Variants in COL5A2 observed in about 807,000 individuals in gnomAD.
COL5A2 encodes collagen alpha-2(V) chain.
A neutral mutation model predicts 208.2 loss-of-function variants in COL5A2; 23 were observed. That is an observed-to-expected ratio of 0.11 (90% confidence interval 0.08 to 0.16). The LOEUF (loss-of-function observed/expected upper bound fraction) is 0.16. Among genes scored for constraint, COL5A2 ranks in the 10% least tolerant of loss-of-function variants. The probability of loss-of-function intolerance (pLI) is 1.00; values close to 1 mark genes in which losing one functional copy is unlikely to be tolerated. For missense variants in COL5A2, 1,590 were observed against 1,956.4 expected (o/e 0.81, Z 3.53); for synonymous variants, 625 against 628.5 (o/e 0.99, Z 0.08).
the COL5A2 span, among the ~76,000 whole-genome samples, chr2:189,391,568 T>C: frequency 5.3e-5 from 8 of 152,092 alleles, no homozygotes; most frequent in Non-Finnish European, 1.0e-4. Flanking sequence ...CTTTTACCAA[T>C]AGAAACTAAT....
chr2:189,327,024 T>A, the COL5A2 span, among the ~76,000 whole-genome samples: 12 of 151,290 alleles, frequency 7.9e-5, no homozygotes, highest in African/African-American at 2.9e-4. Context: ...TGAGCACAGA[T>A]CATGCCACTG....
chr2:189,332,791 G>A, the COL5A2 span, among the ~76,000 whole-genome samples: 7,711 of 152,174 alleles, frequency 0.051, 245 homozygotes, highest in African/African-American at 0.082. Flanking sequence ...CAGTAAATTC[G>A]TACCAGTAGA....
the COL5A2 span, among the ~76,000 whole-genome samples, chr2:189,305,298 T>C: frequency 6.6e-6 from 1 of 152,194 alleles, no homozygotes; most frequent in Non-Finnish European, 1.5e-5. Flanking sequence ...ATGTTTGTGT[T>C]CCCTCCAAAA....
the COL5A2 span, among the ~76,000 whole-genome samples, chr2:189,436,421 T>C: frequency 2.0e-5 from 3 of 152,114 alleles, no homozygotes; most frequent in African/African-American, 4.8e-5. Flanking sequence ...ATATACCTAA[T>C]GTAAATGACG....
chr2:189,415,262 T>G, the COL5A2 span, among the ~76,000 whole-genome samples: 1 of 152,204 alleles, frequency 6.6e-6, no homozygotes, highest in African/African-American at 2.4e-5. Context: ...GGGTAAATTT[T>G]TTTAAATTTT....
chr2:189,276,001 T>C, the COL5A2 span, among the ~76,000 whole-genome samples: 3 of 152,200 alleles, frequency 2.0e-5, no homozygotes, highest in Admixed American at 6.5e-5. Flanking sequence ...CAACATCATG[T>C]AGCAATTGAT....
At chr2:189,183,370 C>G (rs1438175156), upstream of COL5A2, among the ~76,000 whole-genome samples, 1 of 152,168 alleles carries the variant, frequency 6.6e-6, no homozygotes, top group East Asian at 1.9e-4. Flanking sequence ...CTTGCACTAT[C>G]AGCTTTTTTC....
At chr2:189,342,039 G>A in the COL5A2 span, among the ~76,000 whole-genome samples, 1 of 152,018 alleles carries the variant, frequency 6.6e-6, no homozygotes, top group South Asian at 2.1e-4. Flanking sequence ...TTTATTCTCA[G>A]CTACTTTCTT....
At chr2:189,401,206 A>C in the COL5A2 span, among the ~76,000 whole-genome samples, 201 of 152,148 alleles carry the variant, frequency 1.3e-3, no homozygotes, top group Non-Finnish European at 2.3e-3. Flanking sequence ...GCTGTCCTTC[A>C]TTATCCCTCC....
chr2:189,175,767 G>C (rs1012861138), intron 1 of COL5A2, among the ~76,000 whole-genome samples: 1 of 152,046 alleles, frequency 6.6e-6, no homozygotes, highest in Non-Finnish European at 1.5e-5. Flanking sequence ...TGGCCGGGCT[G>C]GTCTCGAACT....
the COL5A2 span, among the ~76,000 whole-genome samples, chr2:189,387,968 AG>A: frequency 6.6e-6 from 1 of 152,068 alleles, no homozygotes; most frequent in Non-Finnish European, 1.5e-5. Context: ...TATTTTTTGT[AG>A]GGACAGGGTC....
At chr2:189,369,149 GAAGA>G in the COL5A2 span, among the ~76,000 whole-genome samples, 2 of 152,102 alleles carry the variant, frequency 1.3e-5, no homozygotes, top group Admixed American at 1.3e-4. Flanking sequence ...CTAACTGGAA[GAAGA>G]AAGTTACTGT....
At chr2:189,085,958 G>T (rs757763128) in intron 9 of COL5A2, among the ~76,000 whole-genome samples, 186 bp from the exon 10 acceptor site, 1 of 152,096 alleles carries the variant, frequency 6.6e-6, no homozygotes, top group Admixed American at 6.5e-5. Context: ...AATAATATTG[G>T]TACTTACTTT....
chr2:189,098,837 T>C (rs774645412), intron 4 of COL5A2, 78 bp from the exon 5 acceptor site: 16 of 1,062,032 alleles, frequency 1.5e-5, no homozygotes, highest in Non-Finnish European at 2.0e-5. Context: ...CAAATAAGAA[T>C]AACAACAAAA....
intron 50 of COL5A2, among the ~76,000 whole-genome samples, chr2:189,040,738 C>CT (rs1290861006): frequency 6.6e-6 from 1 of 152,102 alleles, no homozygotes; most frequent in African/African-American, 2.4e-5. Flanking sequence ...AAAGAAAAGA[C>CT]TTTTTTCTAA....
the COL5A2 span, among the ~76,000 whole-genome samples, chr2:189,304,829 C>A: frequency 6.6e-6 from 1 of 152,184 alleles, no homozygotes; most frequent in Non-Finnish European, 1.5e-5. Flanking sequence ...AATTTAATCA[C>A]TTTCTTCTCA....
chr2:189,053,837 G>T, intron 37 of COL5A2, 58 bp downstream of exon 37: 1 of 1,363,180 alleles, frequency 7.3e-7, no homozygotes, highest in Non-Finnish European at 1.0e-6. Context: ...AAAACAAAAT[G>T]ATTAATTGTT....
chr2:189,046,815 GAAA>G (rs112684457), intron 45 of COL5A2, among the ~76,000 whole-genome samples: 6 of 136,108 alleles, frequency 4.4e-5, no homozygotes, highest in African/African-American at 1.6e-4. Flanking sequence ...TCAAGGTTTT[GAAA>G]AAAAAAAAAA....
At chr2:189,053,591 C>T (rs1685837592) in intron 37 of COL5A2, 114 bp from the exon 38 acceptor site, 1 of 987,194 alleles carries the variant, frequency 1.0e-6, no homozygotes, top group Non-Finnish European at 1.6e-6. Context: ...AGAAAAATTA[C>T]ACATATTGCT....
Sources: allele counts gnomAD v4.1 joint callset (sites outside exome capture counted in the v4.1 genomes callset), GRCh38; gene constraint gnomAD v4.1.1; transcripts MANE v1.5; gene names NCBI Gene and HGNC (gene_info 2026-07-23, HGNC 2026-07-21).